Variants in CACNG5 observed in about 807,000 individuals in gnomAD.
CACNG5 encodes calcium voltage-gated channel auxiliary subunit gamma 5.
CACNG5 carries 18 observed loss-of-function variants against 24.8 expected under a neutral mutation model. The observed-to-expected ratio is 0.73, with a 90% confidence interval of 0.50 to 1.08. CACNG5 has a LOEUF of 1.08. Among genes scored for constraint, CACNG5 ranks in the 50% least tolerant of loss-of-function variants. CACNG5 has a pLI of 0.00. For missense variants in CACNG5, 349 were observed against 367.9 expected, an observed-to-expected ratio of 0.95 and a Z score of 0.42; for synonymous variants, 157 against 149.1, an observed-to-expected ratio of 1.05 and a Z score of -0.39.
chr17:66,853,700 A>C (rs1976736325), intron 1 of CACNG5, among the ~76,000 whole-genome samples: 1 of 152,226 alleles, frequency 6.6e-6, no homozygotes, highest in Non-Finnish European at 1.5e-5. Context: ...TGAAATAAGC[A>C]CATTATTTCA....
chr17:66,851,692 G>A (rs545891998), intron 1 of CACNG5, among the ~76,000 whole-genome samples: 32 of 152,108 alleles, frequency 2.1e-4, no homozygotes, highest in Non-Finnish European at 4.0e-4. Context: ...AGGAAATACC[G>A]GAAAGGGAAA....
rs1977314244 is a variant in CACNG5 at position 66,889,685 on chromosome 17, A to T, written c.*4445A>T. 6.6e-6 allele frequency among the ~76,000 whole-genome samples: 1 copy of T among 152,170 alleles called. No individual in the cohort carries two copies. Among genetic ancestry groups the T allele is most frequent in the Non-Finnish European group, 1.5e-5 (1 of 68,038 alleles). ...CCAAACTTGCAGTCTCCTGGCAGAA[A>T]TCCTGGCTGCTCAGGGGAGGTCAGC... is the stretch of plus-strand genomic sequence containing the variant. On this transcript the variant is annotated 3_prime_UTR_variant, in exon 6 of 6. Transcript: ENST00000533854.
In CACNG5 at chr17:66,891,869, G is replaced by A. The variant is rs1483166189; in HGVS notation, c.*6629G>A. 6.6e-6 allele frequency among the ~76,000 whole-genome samples: 1 copy of A among 152,192 alleles called. No homozygotes were observed. Among genetic ancestry groups the A allele is most frequent in the Non-Finnish European group, 1.5e-5 (1 of 68,040 alleles). On this transcript the variant is annotated 3_prime_UTR_variant, in exon 6 of 6. Coordinates refer to ENST00000533854, the MANE Select transcript of CACNG5 (RefSeq NM_145811.3). Reference sequence around the variant, plus strand: ...GCCTGGAGATTCTGAAGTTACTCTGGGGTGGGACCTGAGGGTCTGTTTCTC... The same window carrying A: ...GCCTGGAGATTCTGAAGTTACTCTGAGGTGGGACCTGAGGGTCTGTTTCTC...
chr17:66,893,579 C>A lies in CACNG5; in HGVS notation c.*8339C>A, dbSNP rs907812009. ...CATCTGATGCATCCTACCAACGTGA[C>A]CCCAAGGAAAGTGCTGGAGGAATTG... On this transcript the variant is annotated 3_prime_UTR_variant, in exon 6 of 6. Transcript: ENST00000533854. 2.6e-5 allele frequency among the ~76,000 whole-genome samples: 4 copies of A among 152,186 alleles called. No individual in the cohort carries two copies. Among genetic ancestry groups the A allele is most frequent in the African/African-American group, 9.7e-5 (4 of 41,438 alleles).
Position 66,886,087 on chromosome 17 carries a change from CCAGA to C in CACNG5, c.*850_*853del, listed in dbSNP as rs1286162148. ...ATCGGGCTGGTCTGAGTTCCTATTACCAGACACTGTTTCTGGTCCTGGGGATACT... is the reference window on the plus strand; with the variant it reads ...ATCGGGCTGGTCTGAGTTCCTATTACCACTGTTTCTGGTCCTGGGGATACT... On this transcript the variant is annotated 3_prime_UTR_variant, in exon 6 of 6. Coordinates refer to ENST00000533854, the MANE Select transcript of CACNG5 (RefSeq NM_145811.3). Among the ~76,000 whole-genome samples, 1 of 152,076 alleles carries C rather than the reference CCAGA, an allele frequency of 6.6e-6. No individual in the cohort carries two copies. The highest frequency in any genetic ancestry group is 1.5e-5 in the Non-Finnish European group (1 of 68,016).
At chr17:66,883,641 T>G (rs1977198061) in intron 4 of CACNG5, among the ~76,000 whole-genome samples, 1 of 152,082 alleles carries the variant, frequency 6.6e-6, no homozygotes, top group Non-Finnish European at 1.5e-5. Context: ...CTGGACAAAA[T>G]CCCTTTACCT....
intron 1 of CACNG5, among the ~76,000 whole-genome samples, chr17:66,865,422 G>GAGCTC (rs1976915586): frequency 6.6e-6 from 1 of 152,054 alleles, no homozygotes; most frequent in Non-Finnish European, 1.5e-5. Context: ...ATCATCAATA[G>GAGCTC]TATAGAGCTC....
chr17:66,878,917 C>A, intron 2 of CACNG5, 55 bp from the exon 3 acceptor site: 1 of 1,404,574 alleles, frequency 7.1e-7, no homozygotes, highest in Non-Finnish European at 1.0e-6. Context: ...TTGTATGGAC[C>A]AACTTCAAAT....
intron 1 of CACNG5, among the ~76,000 whole-genome samples, chr17:66,852,278 G>C (rs1976716894): frequency 6.6e-6 from 1 of 152,112 alleles, no homozygotes; most frequent in South Asian, 2.1e-4. Flanking sequence ...TTCAGAGTTG[G>C]GCTGAGCCAC....
intron 4 of CACNG5, among the ~76,000 whole-genome samples, chr17:66,882,731 T>A (rs936591428): frequency 2.0e-5 from 3 of 152,064 alleles, no homozygotes; most frequent in African/African-American, 7.2e-5. Flanking sequence ...ATGGCTTGAA[T>A]AATTGATAGA....
chr17:66,838,308 G>C (rs28651545), intron 1 of CACNG5, among the ~76,000 whole-genome samples: 20,790 of 151,528 alleles, frequency 0.14, 1,529 homozygotes, highest in African/African-American at 0.18. Flanking sequence ...GAGTGGCCTG[G>C]GGGGAGCAGA....
chr17:66,885,121 T>C lies in CACNG5; in HGVS notation c.709T>C (p.Trp237Arg). The part of the protein sequence containing the change: ...YSGQFLHPDA[W>R]VRGRSPSDIS... ...AGGCCAGTTCCTACACCCAGACGCC[T>C]GGGTCAGGGGCCGCAGCCCCTCCGA... The change falls in exon 6 of 6, where the codon TGG becomes CGG. Residue 237 changes from tryptophan (W) to arginine (R), a missense_variant. Coordinates refer to ENST00000533854, the MANE Select transcript of CACNG5 (RefSeq NM_145811.3). 1 of 1,614,128 alleles carries C rather than the reference T, an allele frequency of 6.2e-7. No homozygotes were observed. Among genetic ancestry groups the C allele is most frequent in the Non-Finnish European group, 8.5e-7 (1 of 1,180,030 alleles).
chr17:66,880,073 A>G (rs778366760), intron 3 of CACNG5, among the ~76,000 whole-genome samples: 1 of 152,164 alleles, frequency 6.6e-6, no homozygotes, highest in Non-Finnish European at 1.5e-5. Context: ...AGGGACAAAG[A>G]CTAGCCCCAA....
intron 1 of CACNG5, among the ~76,000 whole-genome samples, chr17:66,849,443 A>G (rs1976682668): frequency 6.6e-6 from 1 of 152,340 alleles, no homozygotes; most frequent in Middle Eastern, 3.4e-3. Flanking sequence ...GGGCAGATCC[A>G]GCAGTGGGGT....
chr17:66,843,465 G>A (rs1295454037), intron 1 of CACNG5, among the ~76,000 whole-genome samples: 4 of 152,198 alleles, frequency 2.6e-5, no homozygotes, highest in African/African-American at 7.2e-5. Flanking sequence ...TTTGGGAAAT[G>A]AGACCTATCT....
At chr17:66,872,962 T>G (rs533057068) in intron 1 of CACNG5, among the ~76,000 whole-genome samples, 1 of 152,342 alleles carries the variant, frequency 6.6e-6, no homozygotes, top group Admixed American at 6.5e-5. Context: ...TTCCCAACAC[T>G]CTTTGAGCCC....
chr17:66,838,924 A>G (rs1382683521), intron 1 of CACNG5, among the ~76,000 whole-genome samples: 1 of 148,204 alleles, frequency 6.7e-6, no homozygotes, highest in South Asian at 2.1e-4. Flanking sequence ...GTCTCTATCC[A>G]TGAGATGCCA....
At chr17:66,882,507 G>A (rs935252041) in intron 4 of CACNG5, among the ~76,000 whole-genome samples, 1 of 152,200 alleles carries the variant, frequency 6.6e-6, no homozygotes, top group Non-Finnish European at 1.5e-5. Context: ...CATGGCTGGT[G>A]TGTAGAGTGA....
chr17:66,878,797 C>T (rs1977119168), intron 2 of CACNG5, among the ~76,000 whole-genome samples, 175 bp from the exon 3 acceptor site: 1 of 152,172 alleles, frequency 6.6e-6, no homozygotes, highest in South Asian at 2.1e-4. Flanking sequence ...GTGCCTCCAC[C>T]CCTGCTGTGG....
Sources: gnomAD v4.1 joint callset for allele counts (sites outside exome capture counted in the v4.1 genomes callset) on GRCh38, gnomAD v4.1.1 for gene constraint, MANE v1.5 for transcripts, NCBI Gene and HGNC (gene_info 2026-07-23, HGNC 2026-07-21) for gene names.